The following SLC24A2 variants were observed in gnomAD, a reference collection of about 807,000 sequenced individuals.
SLC24A2 encodes solute carrier family 24 member 2, also known as sodium/potassium/calcium exchanger 2.
In SLC24A2, 36 loss-of-function variants were observed where a neutral mutation model predicts 62.0. That is an observed-to-expected ratio of 0.58 (90% CI 0.44 to 0.77). SLC24A2 has a LOEUF of 0.77. Among genes scored for constraint, SLC24A2 ranks in the 30% least tolerant of loss-of-function variants. The pLI, the probability that SLC24A2 is intolerant of heterozygous loss-of-function variation, is 0.00. For synonymous variants in SLC24A2, 358 were observed against 294.0 expected, an observed-to-expected ratio of 1.22 and a Z score of -2.23; for missense variants, 846 against 817.9, an observed-to-expected ratio of 1.03 and a Z score of -0.42.
At chr9:20,173,296 C>G in the SLC24A2 span, among the ~76,000 whole-genome samples, 2 of 152,120 alleles carry the variant, frequency 1.3e-5, no homozygotes, top group Non-Finnish European at 2.9e-5. Context: ...ACTCTCACCA[C>G]TTCTCTTCAA....
At chr9:20,261,938 C>T in the SLC24A2 span, among the ~76,000 whole-genome samples, 2 of 151,936 alleles carry the variant, frequency 1.3e-5, no homozygotes, top group African/African-American at 4.8e-5. Context: ...CAGCATTTCA[C>T]CATGTTAGTC....
intron 8 of SLC24A2, among the ~76,000 whole-genome samples, chr9:19,541,974 T>G (rs1213900094): frequency 6.6e-6 from 1 of 152,196 alleles, no homozygotes; most frequent in Admixed American, 6.5e-5. Flanking sequence ...ATTTTCCAGG[T>G]GCCGTCTGTC....
the SLC24A2 span, chr9:19,967,420 A>G: frequency 2.0e-5 from 3 of 152,226 alleles, no homozygotes; most frequent in Admixed American, 2.0e-4. Flanking sequence ...AATCTATGCC[A>G]GTGCTCTTTA....
the SLC24A2 span, among the ~76,000 whole-genome samples, chr9:19,958,531 G>A: frequency 6.6e-6 from 1 of 152,152 alleles, no homozygotes; most frequent in Non-Finnish European, 1.5e-5. Context: ...CTGAACCTCG[G>A]GTGCAGATCG....
At chr9:20,161,382 A>T in the SLC24A2 span, among the ~76,000 whole-genome samples, 8 of 151,450 alleles carry the variant, frequency 5.3e-5, no homozygotes, top group Non-Finnish European at 8.9e-5. Flanking sequence ...TTTTGAAGTA[A>T]GTGTAACATT....
chr9:19,553,016 T>C (rs555990796), intron 7 of SLC24A2, among the ~76,000 whole-genome samples: 4 of 152,142 alleles, frequency 2.6e-5, no homozygotes, highest in Non-Finnish European at 5.9e-5. Flanking sequence ...GGGCTCTCCA[T>C]GGAAACTTCA....
intron 2 of SLC24A2, among the ~76,000 whole-genome samples, chr9:19,718,095 G>A (rs1186436748): frequency 6.7e-6 from 1 of 150,180 alleles, no homozygotes; most frequent in Non-Finnish European, 1.5e-5. Flanking sequence ...TCCTGCCTCA[G>A]CCTCCTGAGT....
At chr9:19,756,962 G>T (rs1187642631) in intron 2 of SLC24A2, among the ~76,000 whole-genome samples, 7 of 136,976 alleles carry the variant, frequency 5.1e-5, no homozygotes, top group Non-Finnish European at 7.6e-5. Flanking sequence ...CCAGGCTGCA[G>T]TAAGTGGCAC....
intron 2 of SLC24A2, among the ~76,000 whole-genome samples, chr9:19,773,386 C>G (rs918141033): frequency 4.6e-5 from 7 of 152,136 alleles, no homozygotes; most frequent in Non-Finnish European, 7.3e-5. Flanking sequence ...GCAAAGAGAA[C>G]TATTTTGGGC....
At chr9:20,159,513 T>G in the SLC24A2 span, among the ~76,000 whole-genome samples, 1 of 151,612 alleles carries the variant, frequency 6.6e-6, no homozygotes, top group Admixed American at 6.6e-5. Flanking sequence ...TGATAGAGCA[T>G]ATAACAGATT....
the SLC24A2 span, among the ~76,000 whole-genome samples, chr9:20,210,628 A>G: frequency 5.5e-5 from 7 of 128,064 alleles, no homozygotes; most frequent in East Asian, 1.4e-3. Flanking sequence ...CGCCCGCCAC[A>G]ACGCCCGGCT....
the SLC24A2 span, among the ~76,000 whole-genome samples, chr9:20,298,169 G>A: frequency 3.9e-5 from 6 of 152,190 alleles, no homozygotes; most frequent in Non-Finnish European, 8.8e-5. Context: ...ACAGATCTGT[G>A]AGCAAGTGAT....
the SLC24A2 span, among the ~76,000 whole-genome samples, chr9:20,255,852 G>A: frequency 6.6e-6 from 1 of 152,196 alleles, no homozygotes; most frequent in Non-Finnish European, 1.5e-5. Context: ...ATTTTGTGAA[G>A]CAAGTTGAGC....
chr9:20,028,766 T>A, the SLC24A2 span, among the ~76,000 whole-genome samples: 1 of 152,236 alleles, frequency 6.6e-6, no homozygotes, highest in African/African-American at 2.4e-5. Context: ...CCTCCTCCTT[T>A]GATTCCGGGC....
chr9:19,970,535 G>A, the SLC24A2 span, among the ~76,000 whole-genome samples: 1 of 152,130 alleles, frequency 6.6e-6, no homozygotes, highest in African/African-American at 2.4e-5. Flanking sequence ...AGCTTATTTT[G>A]AATTCTGCAA....
the SLC24A2 span, among the ~76,000 whole-genome samples, chr9:19,821,806 G>C: frequency 6.6e-6 from 1 of 152,134 alleles, no homozygotes; most frequent in Non-Finnish European, 1.5e-5. Context: ...GAAATAGGAA[G>C]TATCCTAGTA....
chr9:19,566,346 A>C (rs370525132), intron 7 of SLC24A2, among the ~76,000 whole-genome samples: 21 of 145,324 alleles, frequency 1.4e-4, no homozygotes, highest in South Asian at 9.2e-4. Flanking sequence ...ATGCAGCCAA[A>C]AGACACATGA....
At chr9:20,250,369 G>A in the SLC24A2 span, among the ~76,000 whole-genome samples, 7 of 152,152 alleles carry the variant, frequency 4.6e-5, no homozygotes, top group Admixed American at 1.3e-4. Flanking sequence ...AGATGACAAT[G>A]AGCCCCCATC....
chr9:20,206,882 G>GT, the SLC24A2 span, among the ~76,000 whole-genome samples: 5 of 3,550 alleles, frequency 1.4e-3, no homozygotes, highest in East Asian at 0.045. Context: ...AAACTAAGTT[G>GT]GGGGGGGCGG....
Sources: allele counts gnomAD v4.1 joint callset (sites outside exome capture counted in the v4.1 genomes callset), GRCh38; gene constraint gnomAD v4.1.1; transcripts MANE v1.5; gene names NCBI Gene and HGNC (gene_info 2026-07-23, HGNC 2026-07-21).